Variants in PCDH11Y observed in about 807,000 individuals in gnomAD.
PCDH11Y encodes protocadherin-11 Y-linked.
For synonymous variants in PCDH11Y, 9 were observed against 83.6 expected (o/e 0.11, Z 4.87); for missense variants, 12 against 224.8 (o/e 0.05, Z 6.05).
chrY:5,028,093 A>T, intron 1 of PCDH11Y, among the ~76,000 whole-genome samples: 1 of 33,648 alleles, frequency 3.0e-5, no homozygotes, highest in Non-Finnish European at 7.3e-5. Context: ...GCCTACGATG[A>T]TGGAGGGATA....
chrY:5,211,403 A>AACATAATC (rs2052938492), intron 2 of PCDH11Y, among the ~76,000 whole-genome samples: 1 of 32,091 alleles, frequency 3.1e-5, no homozygotes, highest in East Asian at 8.3e-4. Flanking sequence ...TATGTGAGAT[A>AACATAATC]ACATAATCAC....
chrY:5,209,958 A>T, intron 2 of PCDH11Y, among the ~76,000 whole-genome samples: 1 of 33,727 alleles, frequency 3.0e-5, no homozygotes, highest in African/African-American at 1.2e-4. Flanking sequence ...GCTACTCAGG[A>T]GGCTGAGGCA....
intron 4 of PCDH11Y, among the ~76,000 whole-genome samples, chrY:5,638,264 T>G: frequency 3.2e-5 from 1 of 31,007 alleles, no homozygotes; most frequent in Non-Finnish European, 7.8e-5. Context: ...CTGCTTACTA[T>G]ACTGTTTGGC....
At chrY:5,295,306 T>C (rs2053072257) in intron 2 of PCDH11Y, among the ~76,000 whole-genome samples, 1 of 33,356 alleles carries the variant, frequency 3.0e-5, no homozygotes, top group South Asian at 6.5e-4. Context: ...GAAAGTTTTC[T>C]AATATTATCC....
At chrY:5,445,255 A>T in intron 2 of PCDH11Y, among the ~76,000 whole-genome samples, 1 of 31,137 alleles carries the variant, frequency 3.2e-5, no homozygotes, top group Non-Finnish European at 7.8e-5. Context: ...ACAAATAATT[A>T]TGATAGGCTA....
chrY:5,453,983 C>G (rs2053295456), intron 2 of PCDH11Y, among the ~76,000 whole-genome samples: 1 of 31,652 alleles, frequency 3.2e-5, no homozygotes, highest in South Asian at 7.5e-4. Flanking sequence ...AAAATTCAAT[C>G]ATTCCTTCTC....
upstream of PCDH11Y, chrY:5,055,978 A>G: frequency 3.2e-5 from 1 of 31,060 alleles, no homozygotes; most frequent in Non-Finnish European, 7.9e-5. Flanking sequence ...TCTGCGTTCT[A>G]TAAACATAAA....
At chrY:5,112,420 T>C in intron 2 of PCDH11Y, among the ~76,000 whole-genome samples, 1 of 33,071 alleles carries the variant, frequency 3.0e-5, no homozygotes, top group Non-Finnish European at 7.5e-5. Flanking sequence ...CTAAAATATA[T>C]CCAAGTAAAA....
chrY:5,465,595 AACT>A (rs2053307466), intron 2 of PCDH11Y, among the ~76,000 whole-genome samples: 1 of 32,044 alleles, frequency 3.1e-5, no homozygotes, highest in East Asian at 8.1e-4. Flanking sequence ...TAAGATCTGT[AACT>A]ATGAAATTCT....
At chrY:5,588,921 T>C (rs2750778) in intron 4 of PCDH11Y, among the ~76,000 whole-genome samples, 1 of 32,965 alleles carries the variant, frequency 3.0e-5, no homozygotes, top group South Asian at 6.8e-4. Flanking sequence ...ATTTCTTTGA[T>C]AAAACTTCCT....
At chrY:5,247,873 A>G (rs2052998907) in intron 2 of PCDH11Y, among the ~76,000 whole-genome samples, 1 of 30,188 alleles carries the variant, frequency 3.3e-5, no homozygotes, top group African/African-American at 1.3e-4. Context: ...AATAGACACA[A>G]TAAAAAATGA....
chrY:5,592,619 C>A, intron 4 of PCDH11Y, among the ~76,000 whole-genome samples: 2 of 27,418 alleles, frequency 7.3e-5, no homozygotes, highest in African/African-American at 2.9e-4. Context: ...GCGTCACTGG[C>A]CTGTGTAATT....
intron 2 of PCDH11Y, among the ~76,000 whole-genome samples, chrY:5,438,832 T>G: frequency 4.7e-5 from 1 of 21,454 alleles, no homozygotes; most frequent in Non-Finnish European, 1.1e-4. Flanking sequence ...ATGTGCAGTT[T>G]TGTTATACAG....
Position 5,242,668 on chromosome Y carries a change from C to G in PCDH11Y, c.3129+141961C>G, listed in dbSNP as rs367954934. 4.8e-3 allele frequency among the ~76,000 whole-genome samples: 140 copies of G among 28,984 alleles called. No homozygotes were observed. The South Asian group carries it at 0.075, about 16-fold the overall frequency. The allele number at this position is 28,984 out of a possible 37,273, so 77.8% of individuals were successfully genotyped here. A position where few individuals can be genotyped will look rare whatever the true frequency, so the allele number is the denominator to read the frequency against. On this transcript the variant is annotated intron_variant, in intron 2 of 4. Coordinates refer to the PCDH11Y transcript ENST00000400457. ...TTGGCATTTATTTGTCTCATTCTTA[C>G]TATCTGCTGTCATAGCTGATGAGAG...
intron 4 of PCDH11Y, among the ~76,000 whole-genome samples, chrY:5,584,054 T>G: frequency 3.1e-5 from 1 of 32,464 alleles, no homozygotes; most frequent in African/African-American, 1.2e-4. Flanking sequence ...AGTATGATAC[T>G]AGCTGTAGGT....
At chrY:5,621,769 C>A (rs2053500460) in intron 4 of PCDH11Y, among the ~76,000 whole-genome samples, 1 of 31,915 alleles carries the variant, frequency 3.1e-5, no homozygotes, top group African/African-American at 1.2e-4. Context: ...TTTGACAAAC[C>A]TGACAAAAAC....
chrY:5,502,832 C>G (rs2124688243), intron 3 of PCDH11Y, among the ~76,000 whole-genome samples: 22 of 32,535 alleles, frequency 6.8e-4, no homozygotes, highest in Admixed American at 2.3e-3. Flanking sequence ...TGTTACTAAG[C>G]CTCTTTCATA....
intron 4 of PCDH11Y, among the ~76,000 whole-genome samples, chrY:5,599,332 T>G: frequency 6.0e-5 from 2 of 33,074 alleles, no homozygotes; most frequent in Non-Finnish European, 1.5e-4. Context: ...ACACTTGCAT[T>G]ATGGTTGAAA....
chrY:5,268,384 A>G, intron 2 of PCDH11Y, among the ~76,000 whole-genome samples: 1 of 33,339 alleles, frequency 3.0e-5, no homozygotes, highest in East Asian at 7.7e-4. Flanking sequence ...TACCACAGGC[A>G]TAACTTTCTT....
Sources: gnomAD v4.1 joint callset for allele counts (sites outside exome capture counted in the v4.1 genomes callset) on GRCh38, gnomAD v4.1.1 for gene constraint, MANE v1.5 for transcripts, NCBI Gene and HGNC (gene_info 2026-07-23, HGNC 2026-07-21) for gene names.